The following ELMOD1 variants were observed in gnomAD, a reference collection of about 807,000 sequenced individuals.
ELMOD1 encodes the protein ELMO domain-containing protein 1.
In ELMOD1, 21 loss-of-function variants were observed where a neutral mutation model predicts 46.7. The observed-to-expected ratio is 0.45, with a 90% CI of 0.32 to 0.65. The LOEUF is 0.65. ELMOD1 is among the 30% of genes least tolerant of loss of function. The pLI is 0.04. For missense variants in ELMOD1, 348 were observed against 407.8 expected (o/e 0.85, Z 1.26); for synonymous variants, 122 against 138.2 (o/e 0.88, Z 0.82).
intron 1 of ELMOD1, among the ~76,000 whole-genome samples, chr11:107,613,521 T>C (rs184855688): frequency 4.9e-4 from 71 of 144,440 alleles, no homozygotes; most frequent in Middle Eastern, 3.7e-3. Context: ...TATGCTGCGT[T>C]ACTCAGCACA....
intron 7 of ELMOD1, among the ~76,000 whole-genome samples, chr11:107,648,285 T>A (rs541244840): frequency 6.6e-6 from 1 of 152,228 alleles, no homozygotes; most frequent in African/African-American, 2.4e-5. Context: ...CCCTCCTCCA[T>A]GTCATTACCT....
chr11:107,631,557 A>C, intron 4 of ELMOD1, 23 bp from the exon 5 acceptor site: 1 of 1,478,102 alleles, frequency 6.8e-7, no homozygotes, highest in South Asian at 1.3e-5. Flanking sequence ...TGAAAAGGAA[A>C]GTGATTAAAA....
intron 6 of ELMOD1, among the ~76,000 whole-genome samples, chr11:107,641,770 A>G (rs1866327510): frequency 6.6e-6 from 1 of 152,168 alleles, no homozygotes; most frequent in African/African-American, 2.4e-5. Flanking sequence ...TTATATTTAG[A>G]TTATACATAA....
At chr11:107,651,961 TG>T (rs1333445327) in intron 9 of ELMOD1, among the ~76,000 whole-genome samples, 1 of 152,206 alleles carries the variant, frequency 6.6e-6, no homozygotes, top group Non-Finnish European at 1.5e-5. Flanking sequence ...TTTTGAGGTT[TG>T]GGGTGACTAC....
chr11:107,638,617 A>G (rs1361099073), intron 6 of ELMOD1, among the ~76,000 whole-genome samples: 2 of 152,148 alleles, frequency 1.3e-5, no homozygotes, highest in Non-Finnish European at 2.9e-5. Flanking sequence ...ATGGGTAATA[A>G]TACCCTTGTT....
chr11:107,646,406 T>C (rs1866426660), intron 6 of ELMOD1, among the ~76,000 whole-genome samples: 1 of 152,160 alleles, frequency 6.6e-6, no homozygotes, highest in Admixed American at 6.6e-5. Context: ...TACATGATAA[T>C]GTTTACTCTC....
chr11:107,657,659 A>T (rs1223553340), intron 11 of ELMOD1, among the ~76,000 whole-genome samples: 1 of 152,232 alleles, frequency 6.6e-6, no homozygotes, highest in Non-Finnish European at 1.5e-5. Flanking sequence ...GAATAAAGAC[A>T]GTTTCTTAAT....
chr11:107,649,597 C>A (rs761249114), intron 7 of ELMOD1, among the ~76,000 whole-genome samples: 2 of 152,178 alleles, frequency 1.3e-5, no homozygotes, highest in African/African-American at 4.8e-5. Flanking sequence ...AACTCAGTCT[C>A]ACTAACAACT....
At chr11:107,655,888 T>G (rs1866621447) in intron 10 of ELMOD1, 45 bp from the exon 11 acceptor site, 1 of 1,575,178 alleles carries the variant, frequency 6.3e-7, no homozygotes. Context: ...AATACTTATT[T>G]CTTCTATGTG....
At chr11:107,602,072 G>A (rs1199038808) in intron 1 of ELMOD1, among the ~76,000 whole-genome samples, 1 of 152,160 alleles carries the variant, frequency 6.6e-6, no homozygotes, top group East Asian at 1.9e-4. Flanking sequence ...TACATGGAAG[G>A]TCTTGTATGT....
At chr11:107,651,306 T>TTG (rs201832941) in intron 9 of ELMOD1, among the ~76,000 whole-genome samples, 1 of 152,104 alleles carries the variant, frequency 6.6e-6, no homozygotes, top group Non-Finnish European at 1.5e-5. Flanking sequence ...AATGATAGTT[T>TTG]TGTGTGTGTG....
intron 1 of ELMOD1, among the ~76,000 whole-genome samples, chr11:107,603,359 C>A (rs1469658241): frequency 2.0e-5 from 3 of 152,056 alleles, no homozygotes; most frequent in Non-Finnish European, 4.4e-5. Flanking sequence ...GCCAACATGG[C>A]AAAACCACAT....
In ELMOD1 at chr11:107,646,573, A is replaced by G. The variant is rs975966791; in HGVS notation, c.421-895A>G. On this transcript the variant is annotated intron_variant, in intron 6 of 11. Transcript: ENST00000265840. ...GATGTGGTAAAACCCCGCCTCTACT[A>G]AAAATACAAAAATCAGCCAGGTGTG... 3.9e-5 allele frequency among the ~76,000 whole-genome samples: 6 copies of G among 152,014 alleles called. 1 individual carries two copies. Among genetic ancestry groups the G allele is most frequent in the Non-Finnish European group, 5.9e-5 (4 of 67,994 alleles).
intron 11 of ELMOD1, among the ~76,000 whole-genome samples, chr11:107,661,323 C>G (rs1380604669): frequency 6.6e-6 from 1 of 152,124 alleles, no homozygotes; most frequent in African/African-American, 2.4e-5. Flanking sequence ...TGTAACCGTG[C>G]CACACTACAT....
At chr11:107,642,040 G>T (rs1400468899) in intron 6 of ELMOD1, among the ~76,000 whole-genome samples, 4 of 149,482 alleles carry the variant, frequency 2.7e-5, no homozygotes, top group African/African-American at 9.9e-5. Context: ...TGCCTCCCGG[G>T]TTCAAGCAAT....
At chr11:107,630,173 A>G (rs1210770988) in intron 2 of ELMOD1, among the ~76,000 whole-genome samples, 1 of 152,216 alleles carries the variant, frequency 6.6e-6, no homozygotes, top group Non-Finnish European at 1.5e-5. Context: ...AAAGATTCTA[A>G]TGCTTCATCC....
At position 107,639,924 on chromosome 11, in the gene ELMOD1, C is replaced by T. The variant is rs548461134; in HGVS notation, c.420+4159C>T. ...AGTGCATGACCTCATCCTTCAGGAG[C>T]ACCCCATTCCCTACTCTTATTTTTT... On this transcript the variant is annotated intron_variant, in intron 6 of 11. Transcript: ENST00000265840. 2.0e-5 allele frequency among the ~76,000 whole-genome samples: 3 copies of T among 152,276 alleles called. No individual in the cohort carries two copies. The East Asian group carries it at 5.8e-4, about 29-fold the overall frequency.
intron 7 of ELMOD1, 67 bp downstream of exon 7, chr11:107,647,668 A>C (rs1368663331): frequency 1.3e-6 from 2 of 1,497,650 alleles, no homozygotes; most frequent in Non-Finnish European, 1.8e-6. Context: ...GAAATGGCAA[A>C]AGTTGAGTAA....
At chr11:107,641,640 C>T (rs1055452410) in intron 6 of ELMOD1, among the ~76,000 whole-genome samples, 3 of 152,114 alleles carry the variant, frequency 2.0e-5, no homozygotes, top group Non-Finnish European at 2.9e-5. Flanking sequence ...TATCATCATC[C>T]TCTCATATGT....
Sources: gnomAD v4.1 joint callset for allele counts (sites outside exome capture counted in the v4.1 genomes callset) on GRCh38, gnomAD v4.1.1 for gene constraint, MANE v1.5 for transcripts, NCBI Gene and HGNC (gene_info 2026-07-23, HGNC 2026-07-21) for gene names.